Variants in ZNF521 observed in about 807,000 individuals in gnomAD.
ZNF521 encodes the protein zinc finger protein 521, also known as LYST-interacting protein 3.
Under a neutral mutation model 105.5 loss-of-function variants are expected in ZNF521, and 14 were observed. That is an observed-to-expected ratio of 0.13 (90% CI 0.09 to 0.21). The LOEUF is 0.21. Ranked by LOEUF, ZNF521 falls within the 10% of genes least tolerant of loss-of-function variation. The probability of loss-of-function intolerance (pLI) is 1.00; values close to 1 mark genes in which losing one functional copy is unlikely to be tolerated. For synonymous variants in ZNF521, 635 were observed against 606.0 expected, an observed-to-expected ratio of 1.05 and a Z score of -0.70; for missense variants, 1,233 against 1,629.7, an observed-to-expected ratio of 0.76 and a Z score of 4.19.
chr18:25,202,187 T>C (rs1027954354), intron 4 of ZNF521: 1 of 152,212 alleles, frequency 6.6e-6, no homozygotes, highest in African/African-American at 2.4e-5. Context: ...GTTAAACAAA[T>C]GTTTATTAAA....
intron 5 of ZNF521, among the ~76,000 whole-genome samples, chr18:25,192,921 C>T (rs1240449832): frequency 6.6e-6 from 1 of 151,938 alleles, no homozygotes; most frequent in Non-Finnish European, 1.5e-5. Flanking sequence ...ACAAATAAAA[C>T]AATTAAATGG....
intron 5 of ZNF521, among the ~76,000 whole-genome samples, chr18:25,092,908 A>G (rs1292369249): frequency 1.3e-5 from 2 of 152,218 alleles, no homozygotes; most frequent in Admixed American, 1.3e-4. Context: ...ATTAAAATTT[A>G]AAATTGAAGT....
rs1433744669 is a variant in ZNF521, at chr18:25,288,875, A to G, written c.220+33133T>C. 2.0e-5 allele frequency among the ~76,000 whole-genome samples: 3 copies of G among 152,240 alleles called. No homozygotes were observed. The East Asian group carries it at 5.8e-4, about 29-fold the overall frequency. On this transcript the variant is annotated intron_variant, in intron 3 of 7. Transcript: ENST00000361524. ...ATAAGTTAAGAAATGGATTACTGCC[A>G]GACATCAGCCTTGCTCCAAACACTT...
intron 3 of ZNF521, among the ~76,000 whole-genome samples, chr18:25,301,719 T>A (rs981781093): frequency 7.2e-5 from 11 of 152,108 alleles, no homozygotes; most frequent in African/African-American, 2.7e-4. Flanking sequence ...AAGAATGGGG[T>A]AGCAGCTAGG....
chr18:25,065,153 G>A (rs2033021418), intron 7 of ZNF521, among the ~76,000 whole-genome samples: 1 of 152,104 alleles, frequency 6.6e-6, no homozygotes, highest in South Asian at 2.1e-4. Flanking sequence ...CTATCTCAGA[G>A]TCAAGTTTAT....
chr18:25,267,087 G>T (rs1010187480), intron 3 of ZNF521, among the ~76,000 whole-genome samples: 9 of 152,048 alleles, frequency 5.9e-5, no homozygotes, highest in African/African-American at 2.2e-4. Context: ...TGAGCTTGGT[G>T]GGGGGAGGGG....
chr18:25,196,610 C>T (rs1422959258), intron 4 of ZNF521, among the ~76,000 whole-genome samples: 1 of 151,616 alleles, frequency 6.6e-6, no homozygotes, highest in East Asian at 1.9e-4. Flanking sequence ...GGTCTTTGTA[C>T]ATTAGGCATA....
chr18:25,271,679 A>G (rs1408245597), intron 3 of ZNF521, among the ~76,000 whole-genome samples: 1 of 152,206 alleles, frequency 6.6e-6, no homozygotes, highest in Non-Finnish European at 1.5e-5. Flanking sequence ...AGGATGCCCT[A>G]TTTAATAAAT....
At chr18:25,116,930 TATAC>T (rs2034325546) in intron 5 of ZNF521, among the ~76,000 whole-genome samples, 1 of 143,924 alleles carries the variant, frequency 6.9e-6, no homozygotes, top group African/African-American at 2.6e-5. Context: ...TATGTATATA[TATAC>T]GTATATATAC....
chr18:25,262,855 TAGAG>T (rs1385098397), intron 3 of ZNF521, among the ~76,000 whole-genome samples: 1 of 152,250 alleles, frequency 6.6e-6, no homozygotes, highest in East Asian at 1.9e-4. Context: ...AACAGACCTT[TAGAG>T]AGAATCAGGA....
At chr18:25,116,053 A>G (rs1000115699) in intron 5 of ZNF521, among the ~76,000 whole-genome samples, 1 of 152,202 alleles carries the variant, frequency 6.6e-6, no homozygotes, top group Admixed American at 6.5e-5. Context: ...TGGAACTTTC[A>G]GTGACCAGGG....
At chr18:25,234,725 A>G (rs183767758) in intron 3 of ZNF521, among the ~76,000 whole-genome samples, 2 of 152,320 alleles carry the variant, frequency 1.3e-5, no homozygotes, top group African/African-American at 4.8e-5. Context: ...ATGATAACTC[A>G]TAAATGTGAG....
intron 7 of ZNF521, among the ~76,000 whole-genome samples, chr18:25,069,706 T>C (rs758599145): frequency 2.6e-4 from 40 of 152,242 alleles, no homozygotes; most frequent in Non-Finnish European, 5.3e-4. Context: ...TACAGTATTT[T>C]CCCTAAGTGC....
intron 5 of ZNF521, among the ~76,000 whole-genome samples, chr18:25,128,774 T>C (rs1197005908): frequency 2.6e-5 from 4 of 152,016 alleles, no homozygotes; most frequent in Non-Finnish European, 5.9e-5. Context: ...TGAGATAAAC[T>C]ACAAAACTCT....
intron 5 of ZNF521, among the ~76,000 whole-genome samples, chr18:25,180,093 C>T (rs1252828183): frequency 2.0e-5 from 3 of 152,050 alleles, no homozygotes; most frequent in Non-Finnish European, 4.4e-5. Context: ...AAAACTTTTT[C>T]GTTTAGAAAT....
intron 5 of ZNF521, among the ~76,000 whole-genome samples, chr18:25,126,275 C>G (rs2034537238): frequency 6.6e-6 from 1 of 152,096 alleles, no homozygotes; most frequent in African/African-American, 2.4e-5. Context: ...CAGCATCTAA[C>G]TTTTTAAGTT....
chr18:25,116,210 T>G (rs1482403838), intron 5 of ZNF521, among the ~76,000 whole-genome samples: 1 of 151,958 alleles, frequency 6.6e-6, no homozygotes, highest in East Asian at 1.9e-4. Context: ...CCAGAAGCTG[T>G]GCTAAATGAT....
intron 3 of ZNF521, among the ~76,000 whole-genome samples, chr18:25,252,711 A>C (rs1321745501): frequency 6.6e-6 from 1 of 152,132 alleles, no homozygotes; most frequent in African/African-American, 2.4e-5. Flanking sequence ...AGTAAATGGC[A>C]AAGGAGTTTC....
intron 5 of ZNF521, among the ~76,000 whole-genome samples, chr18:25,143,821 T>A (rs1339737132): frequency 6.6e-6 from 1 of 152,194 alleles, no homozygotes; most frequent in Non-Finnish European, 1.5e-5. Flanking sequence ...ATGAGGCAAT[T>A]GTTCAATTTG....
Sources: gnomAD v4.1 joint callset for allele counts (sites outside exome capture counted in the v4.1 genomes callset) on GRCh38, gnomAD v4.1.1 for gene constraint, MANE v1.5 for transcripts, NCBI Gene and HGNC (gene_info 2026-07-23, HGNC 2026-07-21) for gene names.